The following PSMD12 variants were observed in gnomAD, a reference collection of about 807,000 sequenced individuals.
PSMD12 encodes 26S proteasome non-ATPase regulatory subunit 12.
In PSMD12, 8 loss-of-function variants were observed where a neutral mutation model predicts 62.9. That is an observed-to-expected ratio of 0.13 (90% confidence interval 0.07 to 0.23). The LOEUF (loss-of-function observed/expected upper bound fraction) is 0.23. PSMD12 is among the 10% of genes least tolerant of loss of function. PSMD12 has a pLI of 1.00. For missense variants in PSMD12, 424 were observed against 550.2 expected (o/e 0.77, Z 2.29); for synonymous variants, 173 against 187.4 (o/e 0.92, Z 0.63).
At chr17:67,361,911 G>GAAAAAA (rs2042133292) in intron 1 of PSMD12, among the ~76,000 whole-genome samples, 1 of 64,564 alleles carries the variant, frequency 1.5e-5, no homozygotes, top group Admixed American at 1.8e-4. Context: ...AAAAAAAAAG[G>GAAAAAA]AAGGAAGGAA....
chr17:67,339,060 T>C lies in PSMD12; in HGVS notation c.*1783A>G, dbSNP rs1295445887. 1 of 152,210 alleles carries C rather than the reference T, an allele frequency of 6.6e-6. No individual in the cohort carries two copies. Among genetic ancestry groups the C allele is most frequent in the African/African-American group, 2.4e-5 (1 of 41,468 alleles). 9.4% of individuals were successfully genotyped at this position (152,210 alleles called of 1,614,324 possible). On this transcript the variant is annotated 3_prime_UTR_variant, in exon 11 of 11. Transcript: ENST00000356126. Reference sequence around the variant, plus strand: ...TCTATCCTTTTCATTCAAAGGAAAATTAAAACCATACTCTGTTAGTGTGAA... The same window carrying C: ...TCTATCCTTTTCATTCAAAGGAAAACTAAAACCATACTCTGTTAGTGTGAA...
chr17:67,359,062 C>T (rs560423511), intron 1 of PSMD12, among the ~76,000 whole-genome samples: 26 of 152,288 alleles, frequency 1.7e-4, no homozygotes, highest in Non-Finnish European at 3.7e-4. Context: ...AGCACAAAAA[C>T]TGCACTCATT....
chr17:67,352,079 T>C, intron 3 of PSMD12, among the ~76,000 whole-genome samples: 1 of 135,934 alleles, frequency 7.4e-6, no homozygotes. Context: ...AGAATCTCTC[T>C]CAAAAAAAAA....
intron 3 of PSMD12, among the ~76,000 whole-genome samples, chr17:67,353,460 T>G (rs1051549155): frequency 3.9e-5 from 6 of 152,034 alleles, no homozygotes; most frequent in African/African-American, 1.4e-4. Flanking sequence ...TGCGCCACCA[T>G]GCCTGGCTAA....
chr17:67,345,623 C>T lies in PSMD12; in HGVS notation c.908+122G>A, dbSNP rs1292445403. Reference sequence around the variant, plus strand: ...CACCATTACACTCCAGTGTGGGCAACAATAGTAAAACTCCATCTCAAAAAA... The same window carrying T: ...CACCATTACACTCCAGTGTGGGCAATAATAGTAAAACTCCATCTCAAAAAA... On this transcript the variant is annotated intron_variant, in intron 8 of 10. Coordinates refer to ENST00000356126, the MANE Select transcript of PSMD12 (RefSeq NM_002816.5). The T allele has an allele frequency of 3.9e-6, 3 of 774,382 alleles. No individual in the cohort carries two copies. The African/African-American group carries it at 5.2e-5, about 13-fold the overall frequency. The allele number at this position is 774,382 out of a possible 1,614,324, so 48.0% of individuals were successfully genotyped here.
At chr17:67,357,636 C>A in intron 1 of PSMD12, 58 bp from the exon 2 acceptor site, 1 of 1,525,510 alleles carries the variant, frequency 6.6e-7, no homozygotes, top group South Asian at 1.1e-5. Flanking sequence ...AATAACTAGT[C>A]TAAAATGAAA....
Position 67,347,382 on chromosome 17 carries a change from A to T in PSMD12, c.614T>A (p.Ile205Asn). 5 of 1,613,946 alleles carry T rather than the reference A, an allele frequency of 3.1e-6. No homozygotes were observed. The highest frequency in any genetic ancestry group is 4.2e-6 in the Non-Finnish European group (5 of 1,179,952). Residue 205 changes from isoleucine (I) to asparagine (N), a missense_variant, in exon 6 of 11, where the codon ATC (isoleucine) becomes AAC (asparagine). Coordinates refer to ENST00000356126, the MANE Select transcript of PSMD12 (RefSeq NM_002816.5). ...AVKDYIRTQI[I>N]SKKINTKFFQ... ...AAATTTGGTGTTAATTTTCTTGCTG[A>T]TGATTTGTGTTCGAATGTAATCCTT...
intron 10 of PSMD12, among the ~76,000 whole-genome samples, chr17:67,341,469 CAAAAAAAA>C (rs71368819): frequency 1.2e-4 from 6 of 51,130 alleles, no homozygotes; most frequent in African/African-American, 4.1e-4. Flanking sequence ...GACTCTGCCT[CAAAAAAAA>C]AAAAAAAAAA....
chr17:67,345,165 C>T (rs2041953028), intron 8 of PSMD12, among the ~76,000 whole-genome samples: 1 of 152,168 alleles, frequency 6.6e-6, no homozygotes. Context: ...TGATGAAACT[C>T]TATCAAATAA....
At chr17:67,342,057 G>A in intron 10 of PSMD12, 129 bp downstream of exon 10, 1 of 705,206 alleles carries the variant, frequency 1.4e-6, no homozygotes, top group Non-Finnish European at 2.4e-6. Context: ...ACTCAAGATT[G>A]CTTGGGAAAC....
At chr17:67,353,202 T>C (rs982556180) in intron 3 of PSMD12, among the ~76,000 whole-genome samples, 2 of 152,188 alleles carry the variant, frequency 1.3e-5, no homozygotes, top group Admixed American at 6.5e-5. Context: ...GAAGTTACAG[T>C]TGGAGTGACC....
intron 3 of PSMD12, among the ~76,000 whole-genome samples, chr17:67,356,093 T>G (rs530444730): frequency 6.6e-6 from 1 of 151,768 alleles, no homozygotes; most frequent in African/African-American, 2.4e-5. Context: ...TAAGTGGGGG[T>G]TGGGTCATCC....
chr17:67,362,926 C>T (rs979346012), intron 1 of PSMD12: 5 of 152,182 alleles, frequency 3.3e-5, no homozygotes, highest in Admixed American at 6.5e-5. Context: ...TCATTATCAT[C>T]ATAGCAGCTG....
At position 67,346,392 on chromosome 17, in the gene PSMD12, C is replaced by CA. The variant is rs59605959; in HGVS notation, c.796-536dup. Reference sequence around the variant, plus strand: ...CCTGGGCAAGAGTGAGACTCTGTCTCAAAAAAAAAAAGAAAAAAAAAAATT... The same window carrying CA: ...CCTGGGCAAGAGTGAGACTCTGTCTCAAAAAAAAAAAAGAAAAAAAAAAATT... On this transcript the variant is annotated intron_variant, in intron 7 of 10. Coordinates refer to ENST00000356126, the MANE Select transcript of PSMD12 (RefSeq NM_002816.5). Among the ~76,000 whole-genome samples, 258 of 83,318 alleles carry CA rather than the reference C, an allele frequency of 3.1e-3. 1 individual carries two copies. Among genetic ancestry groups the CA allele is most frequent in the South Asian group, 7.9e-3 (18 of 2,270 alleles). The allele number at this position is 83,318 out of a possible 152,430, so 54.7% of individuals were successfully genotyped here. A position where few individuals can be genotyped will look rare whatever the true frequency, so the allele number is the denominator to read the frequency against.
chr17:67,361,537 A>G (rs1200752227), intron 1 of PSMD12, among the ~76,000 whole-genome samples: 1 of 152,150 alleles, frequency 6.6e-6, no homozygotes, highest in Non-Finnish European at 1.5e-5. Context: ...AGCTGAGATC[A>G]TGCCTCTGCA....
At chr17:67,357,105 T>C in intron 3 of PSMD12, 198 bp downstream of exon 3, 1 of 538,036 alleles carries the variant, frequency 1.9e-6, no homozygotes, top group Non-Finnish European at 3.1e-6. Context: ...TTTTTAAAAA[T>C]ATGCAAACAT....
rs538850948 is a variant in PSMD12, at chr17:67,358,698, T to G, written c.109-1120A>C. ...GAGTTCCAAGGAGAAATAAAAAGAA[T>G]GCTTGGAGCTAAAAGACAGGAAACT... On this transcript the variant is annotated intron_variant, in intron 1 of 10. Coordinates refer to ENST00000356126, the MANE Select transcript of PSMD12 (RefSeq NM_002816.5). 1.1e-4 allele frequency among the ~76,000 whole-genome samples: 17 copies of G among 151,710 alleles called. No homozygotes were observed. In the South Asian group the frequency reaches 3.3e-3, roughly 30 times the overall value.
intron 1 of PSMD12, among the ~76,000 whole-genome samples, chr17:67,364,401 A>G (rs899668539): frequency 1.3e-5 from 2 of 152,246 alleles, no homozygotes; most frequent in Admixed American, 6.5e-5. Flanking sequence ...TAAATGCTAC[A>G]TAAGATCACC....
intron 7 of PSMD12, 49 bp downstream of exon 7, chr17:67,347,067 T>A: frequency 6.5e-7 from 1 of 1,539,360 alleles, no homozygotes; most frequent in Non-Finnish European, 8.8e-7. Context: ...AAAAAGCAAA[T>A]TACTCTTCTG....
Sources: allele counts gnomAD v4.1 joint callset (sites outside exome capture counted in the v4.1 genomes callset), GRCh38; gene constraint gnomAD v4.1.1; transcripts MANE v1.5; gene names NCBI Gene and HGNC (gene_info 2026-07-23, HGNC 2026-07-21).